The following MCCC1 variants were observed in gnomAD, a reference collection of about 807,000 sequenced individuals.
MCCC1 encodes methylcrotonyl-CoA carboxylase subunit 1.
In MCCC1, 64 loss-of-function variants were observed where a neutral mutation model predicts 83.8. The observed-to-expected ratio is 0.76, with a 90% CI of 0.62 to 0.94. The LOEUF (loss-of-function observed/expected upper bound fraction) is 0.94. MCCC1 is among the 40% of genes least tolerant of loss of function. MCCC1 has a pLI of 0.00. For missense variants in MCCC1, 807 were observed against 904.7 expected (o/e 0.89, Z 1.39); for synonymous variants, 322 against 315.4 (o/e 1.02, Z -0.22).
chr3:183,056,324 C>G (rs1715421192), intron 8 of MCCC1, among the ~76,000 whole-genome samples: 1 of 152,024 alleles, frequency 6.6e-6, no homozygotes, highest in East Asian at 1.9e-4. Context: ...AACCTCTGAT[C>G]CCTGACTTTT....
At chr3:183,028,108 G>C (rs1000434791) in intron 14 of MCCC1, among the ~76,000 whole-genome samples, 13 of 152,192 alleles carry the variant, frequency 8.5e-5, no homozygotes, top group African/African-American at 3.1e-4. Flanking sequence ...TGCAGCCAGT[G>C]ACTTTAAGTT....
In MCCC1 at chr3:183,015,498, GT is replaced by G; in HGVS notation, c.2117del (p.Asn706ThrfsTer6). The G allele has an allele frequency of 6.2e-7, 1 of 1,614,062 alleles. No individual in the cohort carries two copies. Among genetic ancestry groups the G allele is most frequent in the Non-Finnish European group, 8.5e-7 (1 of 1,179,930 alleles). On this transcript the variant is annotated frameshift_variant, in exon 19 of 19. Transcript: ENST00000265594. LOFTEE classifies it low-confidence loss of function (END_TRUNC). ...KVFYREGAQANRHTPLVEFEE... is the reference protein window; with the variant it reads ...KVFYREGAQAXRHTPLVEFEE... ...CAAACTCGACTAAAGGAGTGTGTCT[GT>G]TGGCCTGAGCACCTTCTCTGTAGAA...
chr3:183,032,159 T>G (rs1301579726), intron 14 of MCCC1, among the ~76,000 whole-genome samples: 3 of 152,234 alleles, frequency 2.0e-5, no homozygotes, highest in African/African-American at 7.2e-5. Context: ...TGTATTTATT[T>G]TTTCATGAAA....
intron 8 of MCCC1, among the ~76,000 whole-genome samples, chr3:183,056,950 C>T (rs576333353): frequency 7.9e-5 from 12 of 152,354 alleles, no homozygotes; most frequent in African/African-American, 2.9e-4. Flanking sequence ...CCACCTCGGC[C>T]TCCCAAAGGG....
At chr3:183,018,790 G>T (rs1354018609) in intron 17 of MCCC1, among the ~76,000 whole-genome samples, 1 of 152,228 alleles carries the variant, frequency 6.6e-6, no homozygotes, top group Non-Finnish European at 1.5e-5. Context: ...GGGTTGTCTA[G>T]GGCTAAGTAT....
At chr3:183,086,105 T>C (rs1717874304) in intron 4 of MCCC1, among the ~76,000 whole-genome samples, 1 of 152,198 alleles carries the variant, frequency 6.6e-6, no homozygotes, top group African/African-American at 2.4e-5. Context: ...TGGAACTAAT[T>C]CCTAAACTAA....
chr3:183,071,643 A>C (rs996609332), intron 5 of MCCC1, among the ~76,000 whole-genome samples: 5 of 152,196 alleles, frequency 3.3e-5, no homozygotes, highest in Admixed American at 1.3e-4. Context: ...TCACAGATAA[A>C]TAACTTATGC....
intron 14 of MCCC1, among the ~76,000 whole-genome samples, chr3:183,027,754 T>G (rs757603193): frequency 1.1e-3 from 160 of 152,224 alleles, no homozygotes; most frequent in Non-Finnish European, 1.6e-3. Context: ...AACATTCCCT[T>G]AAGCCAAAGT....
chr3:183,104,637 T>C (rs1036999431), intron 1 of MCCC1, among the ~76,000 whole-genome samples: 4 of 152,076 alleles, frequency 2.6e-5, no homozygotes, highest in African/African-American at 9.7e-5. Flanking sequence ...AGAAAAAAGA[T>C]CTGTAATGAA....
At chr3:183,096,638 C>G (rs1347366729) in intron 1 of MCCC1, among the ~76,000 whole-genome samples, 5 of 152,170 alleles carry the variant, frequency 3.3e-5, no homozygotes, top group Admixed American at 2.6e-4. Context: ...ACTCATTGCC[C>G]TACAATGCAC....
intron 4 of MCCC1, among the ~76,000 whole-genome samples, chr3:183,085,301 G>GCTA (rs1717812070): frequency 6.6e-6 from 1 of 151,836 alleles, no homozygotes. Context: ...AAAGCAGATG[G>GCTA]CTTTACTCCC....
intron 13 of MCCC1, among the ~76,000 whole-genome samples, chr3:183,034,476 A>C (rs1235722833): frequency 6.6e-6 from 1 of 151,510 alleles, no homozygotes; most frequent in Non-Finnish European, 1.5e-5. Flanking sequence ...AAAACAAAAA[A>C]ACACACGTCC....
At chr3:183,016,383 A>G (rs1029705068) in intron 18 of MCCC1, 2 of 151,918 alleles carry the variant, frequency 1.3e-5, no homozygotes, top group African/African-American at 4.9e-5. Context: ...GGCATGCACC[A>G]CCATGCCTGG....
intron 2 of MCCC1, among the ~76,000 whole-genome samples, chr3:183,093,967 G>C (rs1421049652): frequency 6.6e-6 from 1 of 152,078 alleles, no homozygotes; most frequent in Non-Finnish European, 1.5e-5. Context: ...AATACACTAA[G>C]AGGGTCAAAT....
chr3:183,101,229 C>A (rs1719263070), upstream of MCCC1, among the ~76,000 whole-genome samples: 1 of 152,232 alleles, frequency 6.6e-6, no homozygotes, highest in Admixed American at 6.5e-5. Context: ...TGAGCGCCAC[C>A]CCCTGCTCCA....
At chr3:183,036,980 T>C (rs1713665275) in intron 13 of MCCC1, among the ~76,000 whole-genome samples, 1 of 152,196 alleles carries the variant, frequency 6.6e-6, no homozygotes, top group African/African-American at 2.4e-5. Flanking sequence ...GCCAAAGAGA[T>C]CCATTTCTAC....
chr3:183,052,532 G>A (rs1476855160), intron 8 of MCCC1, among the ~76,000 whole-genome samples: 3 of 152,198 alleles, frequency 2.0e-5, no homozygotes, highest in Non-Finnish European at 2.9e-5. Flanking sequence ...CAATCAGCCA[G>A]GTGCGGTGGC....
upstream of MCCC1, among the ~76,000 whole-genome samples, chr3:183,101,104 A>G (rs1408479393): frequency 6.6e-6 from 1 of 152,194 alleles, no homozygotes; most frequent in Non-Finnish European, 1.5e-5. Flanking sequence ...GCTGCGCTCG[A>G]TTTCTCGCCG....
intron 3 of MCCC1, among the ~76,000 whole-genome samples, chr3:183,091,946 G>A (rs9876859): frequency 6.6e-6 from 1 of 151,252 alleles, no homozygotes; most frequent in Non-Finnish European, 1.5e-5. Flanking sequence ...GTCGAGGCAG[G>A]AGAATCGAGG....
Sources: gnomAD v4.1 joint callset for allele counts (sites outside exome capture counted in the v4.1 genomes callset) on GRCh38, gnomAD v4.1.1 for gene constraint, MANE v1.5 for transcripts, NCBI Gene and HGNC (gene_info 2026-07-23, HGNC 2026-07-21) for gene names.